The following CFAP299 variants were observed in gnomAD, a reference collection of about 807,000 sequenced individuals.
CFAP299 encodes cilia and flagella associated protein 299, also known as cilia- and flagella-associated protein 299.
Under a neutral mutation model 27.0 loss-of-function variants are expected in CFAP299, and 21 were observed. The observed-to-expected ratio is 0.78, with a 90% confidence interval of 0.55 to 1.12. CFAP299 has a LOEUF of 1.12. Ranked by LOEUF, CFAP299 falls within the 50% of genes most tolerant of loss-of-function variation. The pLI is 0.00. For synonymous variants in CFAP299, 104 were observed against 98.1 expected, an observed-to-expected ratio of 1.06 and a Z score of -0.36; for missense variants, 310 against 276.6, an observed-to-expected ratio of 1.12 and a Z score of -0.86.
rs370634500 is a variant in CFAP299 at position 80,403,041 on chromosome 4, A to G, written c.242+40157A>G. Among the ~76,000 whole-genome samples the G allele has an allele frequency of 8.5e-5, 13 of 152,350 alleles. No homozygotes were observed. The South Asian group carries it at 1.7e-3, about 19-fold the overall frequency. ...GTCCTTAATATGTTTATTTAACAAT[A>G]TTAAATCAGTTTTGAAAAGGTGCAG... is the stretch of plus-strand genomic sequence containing the variant. On this transcript the variant is annotated intron_variant, in intron 2 of 5. Transcript: ENST00000358105.
chr4:80,349,169 T>C (rs1410902487), intron 1 of CFAP299, among the ~76,000 whole-genome samples: 1 of 152,198 alleles, frequency 6.6e-6, no homozygotes, highest in Non-Finnish European at 1.5e-5. Flanking sequence ...GAGCTAACCA[T>C]GCACTTGACA....
At chr4:80,625,432 T>TCC (rs1226160765) in intron 3 of CFAP299, among the ~76,000 whole-genome samples, 1 of 151,972 alleles carries the variant, frequency 6.6e-6, no homozygotes, top group Non-Finnish European at 1.5e-5. Context: ...GAAAATCACT[T>TCC]AGCTATAAAA....
At chr4:80,833,113 C>T (rs1415492686) in intron 3 of CFAP299, among the ~76,000 whole-genome samples, 2 of 152,044 alleles carry the variant, frequency 1.3e-5, no homozygotes, top group Non-Finnish European at 2.9e-5. Flanking sequence ...CATTACTCAG[C>T]ATGTGATTAT....
At chr4:80,695,261 CCATTAT>C (rs1287035508) in intron 3 of CFAP299, among the ~76,000 whole-genome samples, 2 of 152,138 alleles carry the variant, frequency 1.3e-5, no homozygotes, top group Non-Finnish European at 2.9e-5. Flanking sequence ...AAAATCAATT[CCATTAT>C]CATTATCATA....
At chr4:80,589,069 G>T (rs1304146747) in intron 3 of CFAP299, among the ~76,000 whole-genome samples, 1 of 152,154 alleles carries the variant, frequency 6.6e-6, no homozygotes. Context: ...TGACAGTGGG[G>T]TGTTAGCTCA....
intron 4 of CFAP299, among the ~76,000 whole-genome samples, chr4:80,900,664 A>G (rs10033165): frequency 0.11 from 17,374 of 152,026 alleles, 2,160 homozygotes; most frequent in African/African-American, 0.31. Flanking sequence ...TAAAAGTAAT[A>G]AGAAGCAAAG....
At chr4:80,448,055 A>G (rs1173409061) in intron 2 of CFAP299, among the ~76,000 whole-genome samples, 2 of 152,194 alleles carry the variant, frequency 1.3e-5, no homozygotes, top group Non-Finnish European at 2.9e-5. Flanking sequence ...CAATCTGTAG[A>G]ACAGATCTGT....
chr4:80,738,313 A>G (rs1724036566), intron 3 of CFAP299, among the ~76,000 whole-genome samples: 1 of 152,140 alleles, frequency 6.6e-6, no homozygotes, highest in Admixed American at 6.6e-5. Flanking sequence ...GATCTGTCCA[A>G]TGCTGAAAGT....
chr4:80,736,846 A>G (rs914084929), intron 3 of CFAP299, among the ~76,000 whole-genome samples: 1 of 152,176 alleles, frequency 6.6e-6, no homozygotes, highest in Non-Finnish European at 1.5e-5. Context: ...TCATGCTGCT[A>G]TAAAGACACA....
At chr4:80,856,224 C>G (rs1054464266) in intron 3 of CFAP299, among the ~76,000 whole-genome samples, 5 of 149,784 alleles carry the variant, frequency 3.3e-5, no homozygotes, top group Admixed American at 6.6e-5. Flanking sequence ...AGTGTCTGTT[C>G]ATGTCTTTCG....
intron 4 of CFAP299, among the ~76,000 whole-genome samples, chr4:80,943,528 G>C (rs931820223): frequency 1.3e-5 from 2 of 152,042 alleles, no homozygotes; most frequent in African/African-American, 4.8e-5. Context: ...AAACATTTGA[G>C]AGGCACCCTG....
chr4:80,803,121 C>G (rs1025969876), intron 3 of CFAP299, among the ~76,000 whole-genome samples: 1 of 151,964 alleles, frequency 6.6e-6, no homozygotes. Flanking sequence ...CAAATTTGTT[C>G]GACTCCAAAT....
chr4:80,541,214 C>T (rs1041716018), intron 2 of CFAP299, among the ~76,000 whole-genome samples: 2 of 152,124 alleles, frequency 1.3e-5, no homozygotes, highest in Non-Finnish European at 2.9e-5. Context: ...ATTTTTCCGA[C>T]TCCTTAGACA....
In CFAP299 at chr4:80,950,486, A is replaced by G. The variant is rs560397982; in HGVS notation, c.606+5547A>G. 1.3e-4 allele frequency among the ~76,000 whole-genome samples: 20 copies of G among 152,294 alleles called. No homozygotes were observed. The South Asian group carries it at 3.3e-3, about 25-fold the overall frequency. On this transcript the variant is annotated intron_variant, in intron 5 of 5. Transcript: ENST00000358105. ...TACTTTGGACCAAAGATATTCAAAA[A>G]CAAGTTAATGAAAGAGATAGCATTT...
Position 80,532,750 on chromosome 4 carries a change from ATC to A in CFAP299, c.243-50339_243-50338del, listed in dbSNP as rs369075497. ...TTATTATTTCTGTTGATATTTATAAATCTCTGTGTTATTAAAGCAGTGAAATG... is the reference window on the plus strand; with the variant it reads ...TTATTATTTCTGTTGATATTTATAAATCTGTGTTATTAAAGCAGTGAAATG... On this transcript the variant is annotated intron_variant, in intron 2 of 5. Transcript: ENST00000358105. Among the ~76,000 whole-genome samples, 938 of 152,298 alleles carry A rather than the reference ATC, an allele frequency of 6.2e-3. 10 individuals are homozygous for A. Among genetic ancestry groups the A allele is most frequent in the African/African-American group, 0.021 (892 of 41,546 alleles).
At chr4:80,374,875 T>C (rs1406214823) in intron 2 of CFAP299, among the ~76,000 whole-genome samples, 1 of 152,096 alleles carries the variant, frequency 6.6e-6, no homozygotes, top group Non-Finnish European at 1.5e-5. Flanking sequence ...ATGAATCTTT[T>C]ATATGTTTGC....
intron 3 of CFAP299, among the ~76,000 whole-genome samples, chr4:80,691,855 A>G (rs1030634977): frequency 1.3e-5 from 2 of 152,260 alleles, no homozygotes; most frequent in African/African-American, 4.8e-5. Flanking sequence ...GTCTCAGGAT[A>G]CAAAATCAAT....
chr4:80,627,034 CA>C (rs892202888), intron 3 of CFAP299, among the ~76,000 whole-genome samples: 7 of 151,512 alleles, frequency 4.6e-5, no homozygotes, highest in African/African-American at 1.7e-4. Flanking sequence ...AACAAACAAA[CA>C]AAAAACTACA....
intron 2 of CFAP299, among the ~76,000 whole-genome samples, chr4:80,573,841 A>G (rs1416554635): frequency 1.3e-5 from 2 of 152,124 alleles, no homozygotes; most frequent in Non-Finnish European, 2.9e-5. Context: ...TGCCAGTACC[A>G]TGCTGTTTCA....
Sources: gnomAD v4.1 joint callset for allele counts (sites outside exome capture counted in the v4.1 genomes callset) on GRCh38, gnomAD v4.1.1 for gene constraint, MANE v1.5 for transcripts, NCBI Gene and HGNC (gene_info 2026-07-23, HGNC 2026-07-21) for gene names.